CCSER2: variants seen among roughly 807,000 people sequenced by gnomAD.
CCSER2 encodes coiled-coil serine rich protein 2, also known as serine-rich coiled-coil domain-containing protein 2.
In CCSER2, 46 loss-of-function variants were observed where a neutral mutation model predicts 92.3. The observed-to-expected ratio is 0.50, with a 90% CI of 0.39 to 0.64. CCSER2 has a LOEUF of 0.64. Ranked by LOEUF, CCSER2 falls within the 30% of genes least tolerant of loss-of-function variation. The pLI is 0.00. For synonymous variants in CCSER2, 433 were observed against 431.4 expected (o/e 1.00, Z -0.04); for missense variants, 1,244 against 1,238.9 (o/e 1.00, Z -0.06).
intron 4 of CCSER2, among the ~76,000 whole-genome samples, chr10:84,420,321 G>A (rs1843076230): frequency 6.6e-6 from 1 of 152,172 alleles, no homozygotes; most frequent in African/African-American, 2.4e-5. Flanking sequence ...CTAGAAGAAG[G>A]CAAACAACTA....
intron 3 of CCSER2, among the ~76,000 whole-genome samples, chr10:84,398,195 A>G (rs1306358129): frequency 6.6e-6 from 1 of 151,990 alleles, no homozygotes; most frequent in Non-Finnish European, 1.5e-5. Flanking sequence ...TTGGTTCATG[A>G]CTTCCTTCCT....
Position 84,371,256 on chromosome 10 carries a change from A to G in CCSER2, c.204A>G (p.Lys68=). Reference sequence around the variant, plus strand: ...CATCTCATTCATTTAATTGGAGGAAAGCAAATAAATATCAGCTTTGTGCAC... The same window carrying G: ...CATCTCATTCATTTAATTGGAGGAAGGCAAATAAATATCAGCTTTGTGCAC... ...CPSSHSFNWR[K]ANKYQLCAQG... is the part of the protein sequence containing the mutation. Residue 68 remains lysine (K), a synonymous_variant, in exon 2 of 10, where the codon AAA becomes AAG. Coordinates refer to ENST00000372088, the MANE Select transcript of CCSER2 (RefSeq NM_001284240.2). 6.2e-7 allele frequency: 1 copy of G among 1,613,214 alleles called. No individual in the cohort carries two copies. The highest frequency in any genetic ancestry group is 8.5e-7 in the Non-Finnish European group (1 of 1,179,552).
intron 4 of CCSER2, among the ~76,000 whole-genome samples, chr10:84,419,705 A>G (rs1302721290): frequency 6.6e-6 from 1 of 152,340 alleles, no homozygotes; most frequent in Middle Eastern, 3.4e-3. Flanking sequence ...GAAAAAAATC[A>G]CAGGCAACAC....
intron 1 of CCSER2, among the ~76,000 whole-genome samples, chr10:84,330,608 G>A (rs886891922): frequency 6.6e-6 from 1 of 152,054 alleles, no homozygotes; most frequent in Non-Finnish European, 1.5e-5. Flanking sequence ...TGCTTCCTGG[G>A]TTCATGCGAT....
intron 9 of CCSER2, among the ~76,000 whole-genome samples, chr10:84,495,449 T>C (rs1320316411): frequency 6.6e-6 from 1 of 152,200 alleles, no homozygotes; most frequent in African/African-American, 2.4e-5. Context: ...GGATAGAATA[T>C]TCTGTAAGCA....
chr10:84,343,977 G>T (rs1844342435), intron 1 of CCSER2, among the ~76,000 whole-genome samples: 1 of 152,200 alleles, frequency 6.6e-6, no homozygotes. Context: ...TTAATACCCA[G>T]GAGAAGCTCC....
rs1846640981 is a variant in CCSER2, at chr10:84,469,373, A to G, written c.2149-999A>G. Among the ~76,000 whole-genome samples, 3 of 152,186 alleles carry G rather than the reference A, an allele frequency of 2.0e-5. No homozygotes were observed. In the South Asian group the frequency reaches 6.2e-4, roughly 32 times the overall value. On this transcript the variant is annotated intron_variant, in intron 7 of 9. Transcript: ENST00000372088. ...GTATGTAATAAAGTCTTTTTCAATT[A>G]TAGTGTACATAATAGCATTTTAAAA...
intron 5 of CCSER2, among the ~76,000 whole-genome samples, chr10:84,436,325 CAAAAA>C (rs1160681619): frequency 0.078 from 1,105 of 14,208 alleles, 6 homozygotes; most frequent in Non-Finnish European, 0.094. Flanking sequence ...GACTCCGTCT[CAAAAA>C]AAAAAAAAAA....
At chr10:84,387,547 G>A (rs1245967835) in intron 3 of CCSER2, among the ~76,000 whole-genome samples, 2 of 136,026 alleles carry the variant, frequency 1.5e-5, no homozygotes, top group Non-Finnish European at 3.1e-5. Flanking sequence ...TTTTTTTTTT[G>A]AGACAGAGTC....
At chr10:84,461,403 C>T (rs1046470201) in intron 6 of CCSER2, among the ~76,000 whole-genome samples, 1 of 152,090 alleles carries the variant, frequency 6.6e-6, no homozygotes, top group Non-Finnish European at 1.5e-5. Context: ...CACCCCTATC[C>T]TTCTGTGACT....
rs1841633304 is a variant in CCSER2, at chr10:84,393,311, A to T, written c.1614+19496A>T. Reference sequence around the variant, plus strand: ...TCTGCATGGTTATATACTACTCATGATTCTATCAAAACTTCTAAAATTTAA... The same window carrying T: ...TCTGCATGGTTATATACTACTCATGTTTCTATCAAAACTTCTAAAATTTAA... On this transcript the variant is annotated intron_variant, in intron 3 of 9. Coordinates refer to ENST00000372088, the MANE Select transcript of CCSER2 (RefSeq NM_001284240.2). Among the ~76,000 whole-genome samples, 3 of 152,146 alleles carry T rather than the reference A, an allele frequency of 2.0e-5. No homozygotes were observed. The South Asian group carries it at 6.2e-4, about 32-fold the overall frequency.
intron 1 of CCSER2, among the ~76,000 whole-genome samples, chr10:84,342,786 C>G (rs1052336583): frequency 1.3e-5 from 2 of 152,156 alleles, no homozygotes; most frequent in Admixed American, 6.5e-5. Flanking sequence ...TGACATAGTT[C>G]TTAATTGTTA....
chr10:84,424,762 C>T (rs1385057559), intron 4 of CCSER2, among the ~76,000 whole-genome samples: 1 of 151,968 alleles, frequency 6.6e-6, no homozygotes, highest in African/African-American at 2.4e-5. Flanking sequence ...TAGTAGTTCT[C>T]AGACTAGAGA....
At chr10:84,490,897 G>A (rs527868859) in intron 9 of CCSER2, among the ~76,000 whole-genome samples, 1 of 152,252 alleles carries the variant, frequency 6.6e-6, no homozygotes, top group Non-Finnish European at 1.5e-5. Context: ...TTTGATGATG[G>A]TGACCGACAG....
intron 3 of CCSER2, chr10:84,389,154 T>C (rs1172873281): frequency 1.5e-5 from 4 of 267,904 alleles, no homozygotes; most frequent in Admixed American, 9.5e-5. Flanking sequence ...AATATTTTCC[T>C]TTGTGCTTCT....
At chr10:84,358,451 C>G (rs1215190595) in intron 1 of CCSER2, among the ~76,000 whole-genome samples, 2 of 151,848 alleles carry the variant, frequency 1.3e-5, no homozygotes, top group African/African-American at 2.4e-5. Flanking sequence ...GTGGAATCAC[C>G]TATACCATTA....
chr10:84,483,942 A>G (rs1408195542), intron 9 of CCSER2, among the ~76,000 whole-genome samples: 9 of 123,972 alleles, frequency 7.3e-5, no homozygotes, highest in Non-Finnish European at 1.5e-4. Context: ...ATCCCACCAC[A>G]CCCGGCTAAT....
Position 84,438,546 on chromosome 10 carries a change from T to G in CCSER2, c.1903T>G (p.Phe635Val), listed in dbSNP as rs778445410. Residue 635 changes from phenylalanine (F) to valine (V), a missense_variant, in exon 6 of 10, where the codon TTT becomes GTT. Phe to Val is a conservative substitution (Grantham distance 50). Coordinates refer to ENST00000372088, the MANE Select transcript of CCSER2 (RefSeq NM_001284240.2). ...CTATAGAGAATCTCCTTTGGGTCAT[T>G]TTGAAAGCTATGGAGGGATGCCCTT... ...SPYRESPLGH[F>V]ESYGGMPFFQ... 2.5e-5 allele frequency: 40 copies of G among 1,612,610 alleles called. No individual in the cohort carries two copies. The highest frequency in any genetic ancestry group is 3.3e-5 in the Non-Finnish European group (39 of 1,179,332).
In CCSER2 at chr10:84,513,921, C is replaced by G; in HGVS notation, c.2798C>G (p.Pro933Arg). The change falls in exon 10 of 10, where the codon CCG (proline) becomes CGG (arginine). Residue 933 changes from proline to arginine, a missense_variant. By Grantham distance (103) the Pro-to-Arg change is moderately radical. Transcript: ENST00000372088. ...CCATCCATATTGAGTTCTTTGGTAC[C>G]GCCTCCAGTTTCTGAATCATCTCCA... ...LKPSILSSLVPPPVSESSPSR... is the reference protein window; with the variant it reads ...LKPSILSSLVRPPVSESSPSR... 6.5e-7 allele frequency: 1 copy of G among 1,536,456 alleles called. No homozygotes were observed. The highest frequency in any genetic ancestry group is 8.7e-7 in the Non-Finnish European group (1 of 1,146,952).
Sources: gnomAD v4.1 joint callset for allele counts (sites outside exome capture counted in the v4.1 genomes callset) on GRCh38, gnomAD v4.1.1 for gene constraint, MANE v1.5 for transcripts, NCBI Gene and HGNC (gene_info 2026-07-23, HGNC 2026-07-21) for gene names.